Variants in PCDHGA9 observed in about 807,000 individuals in gnomAD.
PCDHGA9 encodes protocadherin gamma-A9.
A neutral mutation model predicts 62.5 loss-of-function variants in PCDHGA9; 37 were observed. That is an observed-to-expected ratio of 0.59 (90% CI 0.46 to 0.78). The LOEUF is 0.78. Ranked by LOEUF, PCDHGA9 falls within the 30% of genes least tolerant of loss-of-function variation. The probability of loss-of-function intolerance (pLI) is 0.00; values close to 1 mark genes in which losing one functional copy is unlikely to be tolerated. For synonymous variants in PCDHGA9, 459 were observed against 484.6 expected (o/e 0.95, Z 0.69); for missense variants, 1,138 against 1,166.2 (o/e 0.98, Z 0.35).
intron 1 of PCDHGA9, among the ~76,000 whole-genome samples, chr5:141,474,862 T>C (rs1281140736): frequency 6.6e-6 from 1 of 152,264 alleles, no homozygotes; most frequent in Non-Finnish European, 1.5e-5. Context: ...CTTCATTTAA[T>C]AGGATAGGAG....
At chr5:141,429,925 A>G (rs1009987955) in intron 1 of PCDHGA9, among the ~76,000 whole-genome samples, 5 of 152,244 alleles carry the variant, frequency 3.3e-5, no homozygotes, top group African/African-American at 1.2e-4. Flanking sequence ...TATTAATAGA[A>G]TTCTGGAGTA....
intron 1 of PCDHGA9, chr5:141,427,597 T>C: frequency 1.5e-6 from 1 of 682,152 alleles, no homozygotes; most frequent in Non-Finnish European, 2.7e-6. Context: ...AGCCTCACCC[T>C]ACGCATTGGT....
chr5:141,510,817 T>C, intron 3 of PCDHGA9, 130 bp from the exon 4 acceptor site: 2 of 1,551,592 alleles, frequency 1.3e-6, no homozygotes, highest in African/African-American at 2.7e-5. Flanking sequence ...GTGACCCCTA[T>C]ATTCCCAGTG....
intron 1 of PCDHGA9, chr5:141,412,314 A>G (rs913648948): frequency 6.6e-6 from 1 of 152,240 alleles, no homozygotes; most frequent in African/African-American, 2.4e-5. Flanking sequence ...CAATGCAAAC[A>G]GTTTAATTTG....
chr5:141,485,434 G>A lies in PCDHGA9; in HGVS notation c.2425-9373G>A. The A allele has an allele frequency of 6.2e-7, 1 of 1,614,166 alleles. No individual in the cohort carries two copies. The highest frequency in any genetic ancestry group is 8.5e-7 in the Non-Finnish European group (1 of 1,180,018). On this transcript the variant is annotated intron_variant, in intron 1 of 3. Coordinates refer to ENST00000573521, the MANE Select transcript of PCDHGA9 (RefSeq NM_018921.3). This position sits in a 1 kb window ranked among gnomAD's most constrained non-coding sequence, Gnocchi z 5.7. ...TGGACAGCGGAGCCCTGCTCATCAA[G>A]AACCCAATCGACCGAGAGGCACTGT...
Position 141,432,916 on chromosome 5 carries a change from G to A in PCDHGA9, c.2424+27540G>A, listed in dbSNP as rs1303459899. ...TGCTGGCGCTCAGGCTGCGGCGCTG[G>A]CACAAGTCACGCCTGCTGCAGGCTT... is the stretch of plus-strand genomic sequence containing the variant. On this transcript the variant is annotated intron_variant, in intron 1 of 3. Transcript: ENST00000573521. This position sits in a 1 kb window ranked among gnomAD's most constrained non-coding sequence, Gnocchi z 6.0. 1.2e-6 allele frequency: 2 copies of A among 1,614,078 alleles called. No individual in the cohort carries two copies. The highest frequency in any genetic ancestry group is 1.7e-6 in the Non-Finnish European group (2 of 1,180,048).
chr5:141,419,566 C>T (rs765992004), intron 1 of PCDHGA9: 4 of 1,611,790 alleles, frequency 2.5e-6, no homozygotes, highest in East Asian at 2.2e-5. Flanking sequence ...CGCTGGGTCC[C>T]GACGGCTCCG....
At chr5:141,504,785 G>A (rs1439244687) in intron 2 of PCDHGA9, among the ~76,000 whole-genome samples, 1 of 151,964 alleles carries the variant, frequency 6.6e-6, no homozygotes, top group East Asian at 1.9e-4. Context: ...GTCTCTTGGG[G>A]CCTCCTACAT....
intron 1 of PCDHGA9, chr5:141,428,184 C>G: frequency 6.8e-7 from 1 of 1,463,674 alleles, no homozygotes; most frequent in Middle Eastern, 1.7e-4. Flanking sequence ...GGAGGACAGC[C>G]GCCGCTCTCT....
In PCDHGA9 at chr5:141,403,836, A is replaced by G. The variant is rs370798833; in HGVS notation, c.884A>G (p.Asn295Ser). 5.0e-6 allele frequency: 8 copies of G among 1,613,670 alleles called. No homozygotes were observed. Among genetic ancestry groups the G allele is most frequent in the African/African-American group, 1.3e-5 (1 of 74,932 alleles). ...NEKQSLLFQL[N>S]ENTGEISTAK... ...AAACAATCTCTGCTATTCCAGCTTAATGAAAATACTGGGGAAATATCAACA... is the reference window on the plus strand; with the variant it reads ...AAACAATCTCTGCTATTCCAGCTTAGTGAAAATACTGGGGAAATATCAACA... The change falls in exon 1 of 4, where the codon AAT (asparagine) becomes AGT (serine). Residue 295 changes from asparagine (N) to serine (S), a missense_variant. Physicochemically the swap from Asn to Ser is conservative, Grantham distance 46. Transcript: ENST00000573521.
At chr5:141,418,341 A>G (rs1407312724) in intron 1 of PCDHGA9, 1 of 1,614,006 alleles carries the variant, frequency 6.2e-7, no homozygotes, top group South Asian at 1.1e-5. Context: ...GAAGATCCTG[A>G]TATTAGTATG....
chr5:141,404,641 G>C lies in PCDHGA9; in HGVS notation c.1689G>C (p.Leu563=). 1.2e-6 allele frequency: 2 copies of C among 1,614,178 alleles called. No homozygotes were observed. The highest frequency in any genetic ancestry group is 1.7e-6 in the Non-Finnish European group (2 of 1,180,034). ...LDQNDNAPEI[L]YPALPTDGST... The stretch of plus-strand genomic sequence containing the variant: ...AGAATGACAATGCCCCAGAAATCCT[G>C]TACCCTGCCCTCCCCACTGATGGTT... The change falls in exon 1 of 4, where the codon CTG becomes CTC. Residue 563 remains leucine, a synonymous_variant. Coordinates refer to ENST00000573521, the MANE Select transcript of PCDHGA9 (RefSeq NM_018921.3).
rs1426305491 is a variant in PCDHGA9 at position 141,489,758 on chromosome 5, G to A, written c.2425-5049G>A. 1 of 1,614,084 alleles carries A rather than the reference G, an allele frequency of 6.2e-7. No homozygotes were observed. The highest frequency in any genetic ancestry group is 1.7e-5 in the Admixed American group (1 of 60,020). On this transcript the variant is annotated intron_variant, in intron 1 of 3. Coordinates refer to ENST00000573521, the MANE Select transcript of PCDHGA9 (RefSeq NM_018921.3). The surrounding 1 kb of genome is among the most constrained non-coding windows in gnomAD (Gnocchi z 4.5). ...AATACTGTGAGCTTTTACACTCTAAGCCCCAACAGCCACTTCTCTCTGAAT... is the reference window on the plus strand; with the variant it reads ...AATACTGTGAGCTTTTACACTCTAAACCCCAACAGCCACTTCTCTCTGAAT...
At chr5:141,456,214 G>C (rs552287407) in intron 1 of PCDHGA9, among the ~76,000 whole-genome samples, 8 of 152,136 alleles carry the variant, frequency 5.3e-5, no homozygotes, top group Non-Finnish European at 7.4e-5. Context: ...CCTCCCTGTG[G>C]CGATATCAAA....
rs770051288 is a variant in PCDHGA9 at position 141,405,277 on chromosome 5, T to C, written c.2325T>C (p.Tyr775=). ...ACCTGATCTTCCCCCAGCCCAACTA[T>C]GCAGACACACTCATCAGCCAGCAGA... ...KSHLIFPQPN[Y]ADTLISQQSC... The change falls in exon 1 of 4, where the codon TAT becomes TAC. Residue 775 remains tyrosine, a synonymous_variant. Coordinates refer to ENST00000573521, the MANE Select transcript of PCDHGA9 (RefSeq NM_018921.3). 3.1e-6 allele frequency: 5 copies of C among 1,614,196 alleles called. No individual in the cohort carries two copies. The highest frequency in any genetic ancestry group is 4.2e-6 in the Non-Finnish European group (5 of 1,180,026).
intron 1 of PCDHGA9, among the ~76,000 whole-genome samples, chr5:141,453,293 T>TTATG: frequency 6.6e-6 from 1 of 151,872 alleles, no homozygotes; most frequent in Non-Finnish European, 1.5e-5. Flanking sequence ...TTTTAATTAT[T>TTATG]TATTTATTTA....
rs150249178 is a variant in PCDHGA9 at position 141,432,742 on chromosome 5, C to A, written c.2424+27366C>A. 154 of 1,614,076 alleles carry A rather than the reference C, an allele frequency of 9.5e-5. No individual in the cohort carries two copies. In the Middle Eastern group the frequency reaches 1.3e-3, roughly 14 times the overall value. On this transcript the variant is annotated intron_variant, in intron 1 of 3. Transcript: ENST00000573521. This position sits in a 1 kb window ranked among gnomAD's most constrained non-coding sequence, Gnocchi z 6.0. ...CTCTCTCCGCCACTGTCACGCTCAC[C>A]GTGGCCGTGGCCGACAGCATCCCCC... is the stretch of plus-strand genomic sequence containing the variant.
chr5:141,504,209 C>T (rs1305672612), intron 2 of PCDHGA9, among the ~76,000 whole-genome samples: 1 of 152,180 alleles, frequency 6.6e-6, no homozygotes, highest in Non-Finnish European at 1.5e-5. Flanking sequence ...TGGGAAAATT[C>T]CAAGTAGAGC....
At chr5:141,470,173 A>G (rs527296791) in intron 1 of PCDHGA9, among the ~76,000 whole-genome samples, 1 of 152,342 alleles carries the variant, frequency 6.6e-6, no homozygotes, top group South Asian at 2.1e-4. Context: ...AAGTATGCAA[A>G]ATATTCAAGT....
Sources: allele counts gnomAD v4.1 joint callset (sites outside exome capture counted in the v4.1 genomes callset), GRCh38; gene constraint gnomAD v4.1.1; non-coding constraint Gnocchi (gnomAD v3.1); transcripts MANE v1.5; gene names NCBI Gene and HGNC (gene_info 2026-07-23, HGNC 2026-07-21).